Variants in DMD observed in about 807,000 individuals in gnomAD.
DMD encodes dystrophin.
DMD carries 63 observed loss-of-function variants against 330.1 expected under a neutral mutation model. The observed-to-expected ratio is 0.19, with a 90% CI of 0.16 to 0.24. DMD has a LOEUF of 0.24. Among genes scored for constraint, DMD ranks in the 10% least tolerant of loss-of-function variants. DMD has a pLI of 1.00. For missense variants in DMD, 3,344 were observed against 2,684.1 expected (o/e 1.25, Z -5.43); for synonymous variants, 1,223 against 959.8 (o/e 1.27, Z -5.07).
At chrX:32,003,463 T>C (rs2095640685) in intron 44 of DMD, among the ~76,000 whole-genome samples, 1 of 111,688 alleles carries the variant, frequency 9.0e-6, no homozygotes, top group Admixed American at 9.5e-5. Context: ...TCAAGTTTTG[T>C]TTTTGTTAGT....
intron 74 of DMD, among the ~76,000 whole-genome samples, chrX:31,163,285 A>G (rs1483125006): frequency 9.0e-6 from 1 of 111,110 alleles, no homozygotes; most frequent in African/African-American, 3.3e-5. Flanking sequence ...CTCTCATGAG[A>G]TCTGATGGTT....
chrX:32,733,312 T>C (rs1301800506), intron 7 of DMD, among the ~76,000 whole-genome samples: 2 of 109,976 alleles, frequency 1.8e-5, no homozygotes, highest in Admixed American at 1.9e-4. Context: ...ACATTAATAA[T>C]GGGAGACTTT....
intron 1 of DMD, among the ~76,000 whole-genome samples, chrX:33,255,153 A>G (rs781050784): frequency 9.0e-6 from 1 of 111,173 alleles, no homozygotes; most frequent in South Asian, 3.7e-4. Context: ...AACTATCAAG[A>G]AAAACTTAAG....
intron 1 of DMD, among the ~76,000 whole-genome samples, chrX:33,303,327 TTTCAG>T (rs1215551244): frequency 9.0e-6 from 1 of 111,620 alleles, no homozygotes; most frequent in Non-Finnish European, 1.9e-5. Context: ...ATAAGCTTAG[TTTCAG>T]TTAAGAATTA....
At chrX:33,008,915 T>TGTATATATACATGCATATATACACAC (rs2093472594) in intron 2 of DMD, among the ~76,000 whole-genome samples, 1 of 79,999 alleles carries the variant, frequency 1.3e-5, no homozygotes, top group African/African-American at 4.0e-5. Flanking sequence ...TACTCATATA[T>TGTATATATACATGCATATATACACAC]GTATATATAC....
intron 57 of DMD, among the ~76,000 whole-genome samples, chrX:31,490,350 CAGG>C (rs2069170076): frequency 9.0e-6 from 1 of 111,337 alleles, no homozygotes; most frequent in Non-Finnish European, 1.9e-5. Flanking sequence ...ATCACGAGGT[CAGG>C]AGATCGAGAC....
At chrX:31,132,044 G>T (rs1244053870) in intron 77 of DMD, among the ~76,000 whole-genome samples, 1 of 111,867 alleles carries the variant, frequency 8.9e-6, no homozygotes, top group Non-Finnish European at 1.9e-5. Flanking sequence ...GGCCACAAGG[G>T]TACCACTGAG....
rs772024755 is a variant in DMD, at chrX:31,350,878, C to T, written c.9085-2244G>A. Reference sequence around the variant, plus strand: ...GATTGCCCTCCCCAATGTGGGCGGGCATCATCCTGTCAGTTGAGGTCCTAA... The same window carrying T: ...GATTGCCCTCCCCAATGTGGGCGGGTATCATCCTGTCAGTTGAGGTCCTAA... On this transcript the variant is annotated intron_variant, in intron 60 of 78. Coordinates refer to ENST00000357033, the MANE Select transcript of DMD (RefSeq NM_004006.3). Among the ~76,000 whole-genome samples the T allele has an allele frequency of 1.2e-4, 13 of 110,551 alleles. No individual in the cohort carries two copies. The South Asian group carries it at 5.1e-3, about 44-fold the overall frequency.
At chrX:32,669,157 C>T (rs1363553123) in intron 9 of DMD, among the ~76,000 whole-genome samples, 1 of 111,298 alleles carries the variant, frequency 9.0e-6, no homozygotes, top group East Asian at 2.8e-4. Flanking sequence ...CATCACTGAA[C>T]CTCAGAATTG....
intron 13 of DMD, among the ~76,000 whole-genome samples, chrX:32,584,614 C>T (rs1301936629): frequency 8.9e-6 from 1 of 111,952 alleles, no homozygotes; most frequent in Non-Finnish European, 1.9e-5. Context: ...ATGCTATATG[C>T]AACATAGTGA....
In DMD at chrX:32,484,896, G is replaced by C. The variant is rs1165753187; in HGVS notation, c.2803+23C>G. On this transcript the variant is annotated intron_variant, in intron 21 of 78. Transcript: ENST00000357033. ...AACCATTTTGGAAAATGTCAAGTTA[G>C]CCATTTTAGGCTTTTTACTTACTTG... is the stretch of plus-strand genomic sequence containing the variant. 3.3e-6 allele frequency: 4 copies of C among 1,202,143 alleles called. No homozygotes were observed. The East Asian group carries it at 8.9e-5, about 27-fold the overall frequency.
intron 78 of DMD, 55 bp from the exon 79 acceptor site, chrX:31,121,985 A>G: frequency 1.1e-6 from 1 of 924,862 alleles, no homozygotes; most frequent in Non-Finnish European, 1.6e-6. Flanking sequence ...GATAGATAGC[A>G]TCACTCTGTT....
chrX:32,434,693 C>T (rs1216343440), intron 29 of DMD, among the ~76,000 whole-genome samples: 1 of 111,836 alleles, frequency 8.9e-6, no homozygotes, highest in East Asian at 2.8e-4. Flanking sequence ...ATTGATTTAG[C>T]TAATAAATTA....
chrX:32,003,527 A>G (rs779971598), intron 44 of DMD, among the ~76,000 whole-genome samples: 4 of 111,346 alleles, frequency 3.6e-5, no homozygotes, highest in Non-Finnish European at 5.7e-5. Flanking sequence ...GTGGTAAATA[A>G]TTGCTGAATA....
chrX:32,031,212 TTA>T (rs1219149395), intron 44 of DMD, among the ~76,000 whole-genome samples: 1 of 111,662 alleles, frequency 9.0e-6, no homozygotes, highest in Non-Finnish European at 1.9e-5. Context: ...TTATTTCAGG[TTA>T]TCTTCTGTCA....
intron 19 of DMD, among the ~76,000 whole-genome samples, chrX:32,498,396 C>A (rs1437130995): frequency 9.0e-6 from 1 of 110,544 alleles, no homozygotes; most frequent in African/African-American, 3.3e-5. Flanking sequence ...AAATTTCATG[C>A]CAAAATGCCA....
chrX:31,939,737 C>T, intron 45 of DMD, among the ~76,000 whole-genome samples: 1 of 111,396 alleles, frequency 9.0e-6, no homozygotes, highest in South Asian at 3.8e-4. Flanking sequence ...CTGTTTTAAT[C>T]CTAGAATTGT....
At chrX:31,216,686 G>A (rs139263422) in intron 64 of DMD, among the ~76,000 whole-genome samples, 5 of 111,653 alleles carry the variant, frequency 4.5e-5, no homozygotes, top group Admixed American at 9.5e-5. Flanking sequence ...AATAGAGCGC[G>A]GATTTGTAAG....
intron 2 of DMD, among the ~76,000 whole-genome samples, chrX:32,954,429 C>T (rs1249697638): frequency 1.8e-5 from 2 of 111,957 alleles, no homozygotes; most frequent in African/African-American, 3.3e-5. Flanking sequence ...TCACCCTACA[C>T]ATGGCCCTTG....
Sources: gnomAD v4.1 joint callset for allele counts (sites outside exome capture counted in the v4.1 genomes callset) on GRCh38, gnomAD v4.1.1 for gene constraint, MANE v1.5 for transcripts, NCBI Gene and HGNC (gene_info 2026-07-23, HGNC 2026-07-21) for gene names.